The following TTC7B variants were observed in gnomAD, a reference collection of about 807,000 sequenced individuals.
The protein encoded by TTC7B is tetratricopeptide repeat domain 7B, also known as tetratricopeptide repeat protein 7B.
TTC7B carries 28 observed loss-of-function variants against 106.8 expected under a neutral mutation model. That is an observed-to-expected ratio of 0.26 (90% CI 0.19 to 0.36). The LOEUF is 0.36. TTC7B is among the 10% of genes least tolerant of loss of function. The pLI, the probability that TTC7B is intolerant of heterozygous loss-of-function variation, is 1.00. For missense variants in TTC7B, 862 were observed against 1,076.4 expected (o/e 0.80, Z 2.79); for synonymous variants, 405 against 430.6 (o/e 0.94, Z 0.74).
intron 19 of TTC7B, among the ~76,000 whole-genome samples, chr14:90,565,225 C>G (rs1169727735): frequency 6.6e-6 from 1 of 152,172 alleles, no homozygotes; most frequent in Non-Finnish European, 1.5e-5. Context: ...TCCCTATCAG[C>G]AATAAGGCTG....
At chr14:90,787,181 A>G (rs894163985) in intron 1 of TTC7B, among the ~76,000 whole-genome samples, 1 of 152,216 alleles carries the variant, frequency 6.6e-6, no homozygotes, top group African/African-American at 2.4e-5. Context: ...CTATACAGAT[A>G]TCTGGGAATG....
chr14:90,714,456 AATT>A (rs1566851577), intron 5 of TTC7B, among the ~76,000 whole-genome samples: 1 of 98,742 alleles, frequency 1.0e-5, no homozygotes. Context: ...CAGCTGTATA[AATT>A]TTTTTTTTTT....
chr14:90,579,868 C>G (rs138478841), intron 18 of TTC7B, among the ~76,000 whole-genome samples: 25 of 152,356 alleles, frequency 1.6e-4, no homozygotes, highest in Non-Finnish European at 3.1e-4. Flanking sequence ...TCTTTGTGCA[C>G]CTTACCCTGT....
rs1889409281 is a variant in TTC7B at position 90,535,934 on chromosome 14, C to G, written c.*5434G>C. 6.6e-6 allele frequency: 1 copy of G among 152,462 alleles called. No homozygotes were observed. Among genetic ancestry groups the G allele is most frequent in the South Asian group, 2.1e-4 (1 of 4,834 alleles). 9.4% of individuals were successfully genotyped at this position (152,462 alleles called of 1,614,324 possible). ...TTAGAGTTTCTTCTGGTGAGGACGC[C>G]AATCCTACTGGGCCAGGGCCCCTCC... On this transcript the variant is annotated 3_prime_UTR_variant, in exon 20 of 20. Transcript: ENST00000328459.
At chr14:90,779,013 A>T (rs1024157514) in intron 3 of TTC7B, among the ~76,000 whole-genome samples, 1 of 152,246 alleles carries the variant, frequency 6.6e-6, no homozygotes, top group Non-Finnish European at 1.5e-5. Context: ...AAGTGCTGGC[A>T]GCACTCAATG....
At chr14:90,629,920 A>T (rs992775947) in intron 15 of TTC7B, among the ~76,000 whole-genome samples, 1 of 152,154 alleles carries the variant, frequency 6.6e-6, no homozygotes, top group East Asian at 1.9e-4. Context: ...AAACTAGAAA[A>T]GGGAACTTCC....
rs33973132 is a variant in TTC7B at position 90,531,619 on chromosome 14, C to CAAAAAAAAAAA, written c.*9738_*9748dup. ...GGACAACAAGAGCGAAACTCCTTCTCAAAAAAAAAAAAAAAAAAAAAAAAG... is the reference window on the plus strand; with the variant it reads ...GGACAACAAGAGCGAAACTCCTTCTCAAAAAAAAAAAAAAAAAAAAAAAAAAAAAAAAAAAG... On this transcript the variant is annotated 3_prime_UTR_variant, in exon 20 of 20. Coordinates refer to ENST00000328459, the MANE Select transcript of TTC7B (RefSeq NM_001010854.2). 1 of 58,116 alleles carries CAAAAAAAAAAA rather than the reference C, an allele frequency of 1.7e-5. No individual in the cohort carries two copies. Among genetic ancestry groups the CAAAAAAAAAAA allele is most frequent in the Non-Finnish European group, 3.2e-5 (1 of 30,960 alleles). The allele number at this position is 58,116 out of a possible 1,614,324, so 3.6% of individuals were successfully genotyped here.
At chr14:90,627,071 T>G (rs2139859996) in intron 15 of TTC7B, among the ~76,000 whole-genome samples, 1 of 152,244 alleles carries the variant, frequency 6.6e-6, no homozygotes, top group East Asian at 1.9e-4. Flanking sequence ...CCCTCGACCT[T>G]CCAGGGCTTA....
At chr14:90,654,560 G>A (rs1885867319) in intron 12 of TTC7B, among the ~76,000 whole-genome samples, 2 of 152,060 alleles carry the variant, frequency 1.3e-5, no homozygotes, top group African/African-American at 4.8e-5. Flanking sequence ...AATGGAGAAG[G>A]GGCATTTCCT....
At chr14:90,672,071 G>A (rs1237154340) in intron 9 of TTC7B, among the ~76,000 whole-genome samples, 1 of 152,214 alleles carries the variant, frequency 6.6e-6, no homozygotes, top group African/African-American at 2.4e-5. Context: ...CACCCTCTGT[G>A]GTGCCCGTGG....
At chr14:90,547,078 A>G (rs1032258571) in intron 19 of TTC7B, among the ~76,000 whole-genome samples, 1 of 152,134 alleles carries the variant, frequency 6.6e-6, no homozygotes, top group African/African-American at 2.4e-5. Flanking sequence ...TGCAGCCACT[A>G]TGGGTTGGGA....
intron 3 of TTC7B, among the ~76,000 whole-genome samples, chr14:90,753,656 G>C (rs1247085243): frequency 2.0e-5 from 3 of 152,214 alleles, no homozygotes; most frequent in African/African-American, 7.2e-5. Flanking sequence ...CCCCTGTGAG[G>C]TCCCTGTCAA....
chr14:90,651,603 A>G (rs1022979018), intron 13 of TTC7B, among the ~76,000 whole-genome samples: 6 of 152,232 alleles, frequency 3.9e-5, no homozygotes, highest in African/African-American at 1.4e-4. Flanking sequence ...TTAAAACTCC[A>G]AATCATTTGA....
intron 8 of TTC7B, 89 bp from the exon 9 acceptor site, chr14:90,676,749 A>G: frequency 6.9e-7 from 1 of 1,439,798 alleles, no homozygotes; most frequent in Non-Finnish European, 9.5e-7. Flanking sequence ...GCCCCTACCA[A>G]TTTGCGAAGG....
intron 8 of TTC7B, among the ~76,000 whole-genome samples, chr14:90,679,638 C>T (rs12586635): frequency 0.35 from 52,662 of 151,994 alleles, 9,554 homozygotes; most frequent in East Asian, 0.6. Context: ...GAAGGGGACG[C>T]GAGCCCTCAA....
intron 9 of TTC7B, among the ~76,000 whole-genome samples, chr14:90,659,336 C>G (rs1464993184): frequency 6.6e-6 from 1 of 151,376 alleles, no homozygotes. Flanking sequence ...AGGAAGCTGT[C>G]ATGAATGAGT....
chr14:90,546,460 G>A (rs983310671), intron 19 of TTC7B, among the ~76,000 whole-genome samples: 2 of 152,244 alleles, frequency 1.3e-5, no homozygotes, highest in African/African-American at 4.8e-5. Flanking sequence ...AGCCAGGCTT[G>A]TCTGTCAGCC....
Position 90,541,588 on chromosome 14 carries a change from G to C in TTC7B, c.2312C>G (p.Ala771Gly), listed in dbSNP as rs772347147. The C allele has an allele frequency of 6.3e-7, 1 of 1,582,638 alleles. No homozygotes were observed. The highest frequency in any genetic ancestry group is 1.7e-5 in the Admixed American group (1 of 58,596). ...PTHVKSMQRL[A>G]LILHQLGRYS... Reference sequence around the variant, plus strand: ...GCGGCCTAGCTGGTGAAGGATCAGGGCCTGGAGAGGTCAGAGAGAGAGAGA... The same window carrying C: ...GCGGCCTAGCTGGTGAAGGATCAGGCCCTGGAGAGGTCAGAGAGAGAGAGA... Residue 771 changes from alanine to glycine, a missense_variant and splice_region_variant, in exon 20 of 20, where the codon GCC becomes GGC. By Grantham distance (60) the Ala-to-Gly change is moderately conservative. Coordinates refer to ENST00000328459, the MANE Select transcript of TTC7B (RefSeq NM_001010854.2).
At chr14:90,747,113 G>A (rs1446784584) in intron 3 of TTC7B, among the ~76,000 whole-genome samples, 1 of 152,190 alleles carries the variant, frequency 6.6e-6, no homozygotes, top group Admixed American at 6.6e-5. Context: ...ATATCAGTCT[G>A]ATCTCTGCAG....
Sources: gnomAD v4.1 joint callset for allele counts (sites outside exome capture counted in the v4.1 genomes callset) on GRCh38, gnomAD v4.1.1 for gene constraint, MANE v1.5 for transcripts, NCBI Gene and HGNC (gene_info 2026-07-23, HGNC 2026-07-21) for gene names.